The following EDEM3 variants were observed in gnomAD, a reference collection of about 807,000 sequenced individuals.
EDEM3 encodes the protein ER degradation-enhancing alpha-mannosidase-like protein 3.
In EDEM3, 60 loss-of-function variants were observed where a neutral mutation model predicts 110.2. That is an observed-to-expected ratio of 0.54 (90% CI 0.44 to 0.67). The LOEUF (loss-of-function observed/expected upper bound fraction) is 0.67, where lower values mean the gene tolerates loss of function less well. Among genes scored for constraint, EDEM3 ranks in the 30% least tolerant of loss-of-function variants. EDEM3 has a pLI of 0.00. For missense variants in EDEM3, 996 were observed against 1,121.0 expected (o/e 0.89, Z 1.59); for synonymous variants, 352 against 382.9 (o/e 0.92, Z 0.94).
intron 2 of EDEM3, among the ~76,000 whole-genome samples, chr1:184,746,377 T>C (rs2102133130): frequency 6.6e-6 from 1 of 152,366 alleles, no homozygotes; most frequent in East Asian, 1.9e-4. Context: ...GGAGAACAAG[T>C]TCTGAGTTAC....
At position 184,754,841 on chromosome 1, in the gene EDEM3, C is replaced by T. The variant is rs1653012231; in HGVS notation, c.-195G>A. On this transcript the variant is annotated 5_prime_UTR_variant, in exon 1 of 20. Coordinates refer to ENST00000318130, the MANE Select transcript of EDEM3 (RefSeq NM_025191.4). ...GCGCCAGCGCTGCCACCGCCCTCCG[C>T]CCTCAGTATCCCGGAGCGCCTCCCC... The T allele has an allele frequency of 1.2e-6, 1 of 858,894 alleles. No individual in the cohort carries two copies. The highest frequency in any genetic ancestry group is 1.7e-6 in the Non-Finnish European group (1 of 596,150). 53.2% of individuals were successfully genotyped at this position (858,894 alleles called of 1,614,324 possible).
rs940886324 is a variant in EDEM3 at position 184,712,179 on chromosome 1, G to A, written c.1536+254C>T. Among the ~76,000 whole-genome samples, 5 of 152,102 alleles carry A rather than the reference G, an allele frequency of 3.3e-5. No individual in the cohort carries two copies. In the East Asian group the frequency reaches 5.8e-4, roughly 18 times the overall value. On this transcript the variant is annotated intron_variant, in intron 14 of 19. Coordinates refer to ENST00000318130, the MANE Select transcript of EDEM3 (RefSeq NM_025191.4). ...CTGACCTTGTGATCCACCTACCTGGGCCTCCCAGAGTGCTGGGACTACAGG... is the reference window on the plus strand; with the variant it reads ...CTGACCTTGTGATCCACCTACCTGGACCTCCCAGAGTGCTGGGACTACAGG...
intron 9 of EDEM3, chr1:184,720,689 G>A (rs12096214): frequency 0.075 from 11,489 of 152,270 alleles, 507 homozygotes; most frequent in African/African-American, 0.12. Context: ...AGGTGAGCAA[G>A]GAAATGGTAG....
intron 19 of EDEM3, among the ~76,000 whole-genome samples, chr1:184,697,355 G>C (rs548282204): frequency 5.3e-4 from 81 of 151,656 alleles, no homozygotes; most frequent in African/African-American, 1.8e-3. Flanking sequence ...TCTTGTTTTC[G>C]TTTTAGAACC....
chr1:184,731,439 T>C (rs1363030486), intron 6 of EDEM3, among the ~76,000 whole-genome samples: 3 of 152,218 alleles, frequency 2.0e-5, no homozygotes, highest in Non-Finnish European at 4.4e-5. Context: ...CACTACAACT[T>C]CAAGGCTCTG....
intron 14 of EDEM3, among the ~76,000 whole-genome samples, chr1:184,712,201 C>T (rs1370746316): frequency 6.6e-6 from 1 of 152,064 alleles, no homozygotes; most frequent in Non-Finnish European, 1.5e-5. Flanking sequence ...GCTGGGACTA[C>T]AGGCATGAGC....
chr1:184,740,886 G>A (rs995840018), intron 2 of EDEM3, among the ~76,000 whole-genome samples: 1 of 152,078 alleles, frequency 6.6e-6, no homozygotes, highest in African/African-American at 2.4e-5. Context: ...AAAAAGCTAT[G>A]CCCACAAAAA....
chr1:184,737,615 C>T lies in EDEM3; in HGVS notation c.301G>A (p.Gly101Arg). 6.2e-7 allele frequency: 1 copy of T among 1,613,864 alleles called. No homozygotes were observed. Among genetic ancestry groups the T allele is most frequent in the Non-Finnish European group, 8.5e-7 (1 of 1,179,816 alleles). Reference protein sequence around the residue: ...PSRGDVDDALGKFSLTLIDSL... With the variant: ...PSRGDVDDALRKFSLTLIDSL... Reference sequence around the variant, plus strand: ...ATGCCCTGTGTTAATACTCACTTTCCCAAGGCATCATCAACGTCACCGCGA... The same window carrying T: ...ATGCCCTGTGTTAATACTCACTTTCTCAAGGCATCATCAACGTCACCGCGA... The change falls in exon 3 of 20, where the codon GGA (glycine) becomes AGA (arginine). Residue 101 changes from glycine to arginine, a missense_variant. Around this residue, in one of 5 missense-constraint regions of EDEM3, gnomAD observed 200 missense variants for 183.8 expected, o/e 1.09. Coordinates refer to ENST00000318130, the MANE Select transcript of EDEM3 (RefSeq NM_025191.4).
At chr1:184,698,955 G>A (rs1649468938) in intron 19 of EDEM3, among the ~76,000 whole-genome samples, 1 of 151,772 alleles carries the variant, frequency 6.6e-6, no homozygotes, top group South Asian at 2.1e-4. Flanking sequence ...GTTAAAGTCT[G>A]CCACATTGCT....
chr1:184,691,126 T>C lies in EDEM3; in HGVS notation c.*2937A>G, dbSNP rs75776638. 1 of 152,582 alleles carries C rather than the reference T, an allele frequency of 6.6e-6. No individual in the cohort carries two copies. The highest frequency in any genetic ancestry group is 1.5e-5 in the Non-Finnish European group (1 of 67,984). 9.5% of individuals were successfully genotyped at this position (152,582 alleles called of 1,614,324 possible). ...ACGTATAATGCCAAGAGTTAATTTG[T>C]TCTGAAACAATTATACTCTTTTTGG... On this transcript the variant is annotated 3_prime_UTR_variant, in exon 20 of 20. Coordinates refer to ENST00000318130, the MANE Select transcript of EDEM3 (RefSeq NM_025191.4).
In EDEM3 at chr1:184,710,412, C is replaced by T; in HGVS notation, c.1827G>A (p.Leu609=). The T allele has an allele frequency of 6.2e-7, 1 of 1,613,794 alleles. No individual in the cohort carries two copies. Among genetic ancestry groups the T allele is most frequent in the Non-Finnish European group, 8.5e-7 (1 of 1,179,822 alleles). ...GTCTTACTTGGATTGCATGTTGGAC[C>T]AACTGGACTCTCCCATCTTTGAGGT... ...LIHLKDGRVQ[L]VQHAIQAASS... is the part of the protein sequence containing the mutation. The change falls in exon 16 of 20, where the codon TTG becomes TTA. Residue 609 remains leucine, a synonymous_variant. Transcript: ENST00000318130.
At chr1:184,750,343 T>A (rs568228162) in intron 1 of EDEM3, among the ~76,000 whole-genome samples, 81 of 152,134 alleles carry the variant, frequency 5.3e-4, no homozygotes, top group Admixed American at 1.8e-3. Context: ...TACACCAGAA[T>A]TTTACTAAAT....
At chr1:184,703,750 C>A (rs1163069767) in intron 18 of EDEM3, among the ~76,000 whole-genome samples, 1 of 152,192 alleles carries the variant, frequency 6.6e-6, no homozygotes, top group Non-Finnish European at 1.5e-5. Flanking sequence ...ATGCATGACC[C>A]ATCCTCTTGG....
At chr1:184,717,100 A>G in intron 12 of EDEM3, 88 bp from the exon 13 acceptor site, 1 of 1,118,404 alleles carries the variant, frequency 8.9e-7, no homozygotes, top group Non-Finnish European at 1.3e-6. Context: ...TTGAGTACCT[A>G]CTAGGTGCCA....
In EDEM3 at chr1:184,694,013, C is replaced by T; in HGVS notation, c.*50G>A. 2 of 1,556,588 alleles carry T rather than the reference C, an allele frequency of 1.3e-6. No individual in the cohort carries two copies. The highest frequency in any genetic ancestry group is 2.2e-5 in the East Asian group (1 of 44,502). The stretch of plus-strand genomic sequence containing the variant: ...AGTATTAGGATGTCTATTAACCACA[C>T]ACAGTTTACCTTTTCTTTTTAAATA... On this transcript the variant is annotated 3_prime_UTR_variant, in exon 20 of 20. Transcript: ENST00000318130.
chr1:184,727,124 T>A (rs1192732708), intron 6 of EDEM3, among the ~76,000 whole-genome samples: 1 of 152,166 alleles, frequency 6.6e-6, no homozygotes, highest in Non-Finnish European at 1.5e-5. Context: ...TAACCCCATC[T>A]CTACTAAAAA....
At chr1:184,729,212 C>A (rs60787651) in intron 6 of EDEM3, among the ~76,000 whole-genome samples, 13,904 of 152,070 alleles carry the variant, frequency 0.091, 1,651 homozygotes, top group African/African-American at 0.28. Context: ...AAGCATGAGG[C>A]AATCTAGAAT....
intron 13 of EDEM3, among the ~76,000 whole-genome samples, chr1:184,715,092 A>T (rs989289884): frequency 3.9e-5 from 6 of 152,208 alleles, no homozygotes; most frequent in African/African-American, 1.4e-4. Context: ...CATCAGCCTC[A>T]TAGAACATTA....
At chr1:184,712,864 C>CA (rs992101665) in intron 13 of EDEM3, among the ~76,000 whole-genome samples, 4 of 152,086 alleles carry the variant, frequency 2.6e-5, no homozygotes, top group Admixed American at 2.6e-4. Flanking sequence ...ATAGGCCTTT[C>CA]AATGAGGGAA....
Sources: allele counts gnomAD v4.1 joint callset (sites outside exome capture counted in the v4.1 genomes callset), GRCh38; gene constraint gnomAD v4.1.1; regional missense constraint gnomAD v4.1.1; transcripts MANE v1.5; gene names NCBI Gene and HGNC (gene_info 2026-07-23, HGNC 2026-07-21).